Variants in CPLX1 observed in about 807,000 individuals in gnomAD.
CPLX1 encodes the protein complexin 1.
A neutral mutation model predicts 15.6 loss-of-function variants in CPLX1; 6 were observed. The ratio of observed to expected loss-of-function variants is 0.39; its 90% CI spans 0.21 to 0.76. The LOEUF (loss-of-function observed/expected upper bound fraction) is 0.76. Ranked by LOEUF, CPLX1 falls within the 30% of genes least tolerant of loss-of-function variation. The pLI, the probability that CPLX1 is intolerant of heterozygous loss-of-function variation, is 0.43. For missense variants in CPLX1, 242 were observed against 188.6 expected, an observed-to-expected ratio of 1.28 and a Z score of -1.66; for synonymous variants, 91 against 75.2, an observed-to-expected ratio of 1.21 and a Z score of -1.08.
In CPLX1 at chr4:792,424, G is replaced by A. The variant is rs561994728; in HGVS notation, c.207+9C>T. ...GCCTTCCCGCAGGCGGGGCCGGCCC[G>A]GCGCGCACCTTGTCTCGGATGCCCT... is the stretch of plus-strand genomic sequence containing the variant. On this transcript the variant is annotated intron_variant, in intron 3 of 3. Coordinates refer to ENST00000304062, the MANE Select transcript of CPLX1 (RefSeq NM_006651.4). 1.8e-4 allele frequency: 268 copies of A among 1,530,866 alleles called. 1 individual carries two copies. The African/African-American group carries it at 3.0e-3, about 17-fold the overall frequency. 94.8% of individuals were successfully genotyped at this position (1,530,866 alleles called of 1,614,324 possible).
At chr4:813,364 G>T (rs987910324) in intron 2 of CPLX1, among the ~76,000 whole-genome samples, 1 of 151,982 alleles carries the variant, frequency 6.6e-6, no homozygotes, top group Non-Finnish European at 1.5e-5. Context: ...GATTGGGGAC[G>T]ATGGAAAGCA....
Position 821,689 on chromosome 4 carries a change from G to T in CPLX1, c.31+2803C>A, listed in dbSNP as rs572614169. Reference sequence around the variant, plus strand: ...GATCCGGACCCACGTGTTGTGGGGGGAGGCCCGGCCCCAGTTCAAGGCCAC... The same window carrying T: ...GATCCGGACCCACGTGTTGTGGGGGTAGGCCCGGCCCCAGTTCAAGGCCAC... On this transcript the variant is annotated intron_variant, in intron 2 of 3. Coordinates refer to ENST00000304062, the MANE Select transcript of CPLX1 (RefSeq NM_006651.4). 5.9e-5 allele frequency among the ~76,000 whole-genome samples: 9 copies of T among 152,284 alleles called. 1 individual carries two copies. The South Asian group carries it at 1.4e-3, about 25-fold the overall frequency.
chr4:789,331 C>A (rs547603959), intron 3 of CPLX1, among the ~76,000 whole-genome samples: 17 of 151,632 alleles, frequency 1.1e-4, no homozygotes, highest in Admixed American at 1.1e-3. Flanking sequence ...CTGCTGGGGG[C>A]GCCCAGGAGG....
At chr4:824,975 C>G (rs1746949458) in intron 1 of CPLX1, 1 of 359,174 alleles carries the variant, frequency 2.8e-6, no homozygotes, top group South Asian at 2.1e-5. Flanking sequence ...GCGGTGGTCC[C>G]GAGCCCAGGG....
intron 1 of CPLX1, chr4:824,943 C>T (rs1415586195): frequency 1.9e-5 from 7 of 370,208 alleles, no homozygotes; most frequent in Non-Finnish European, 3.2e-5. Context: ...CTCTGCAGCT[C>T]AGTGTCTGGA....
chr4:801,389 A>C (rs1268815601), intron 2 of CPLX1, among the ~76,000 whole-genome samples: 1 of 152,194 alleles, frequency 6.6e-6, no homozygotes, highest in Non-Finnish European at 1.5e-5. Context: ...ACAGGAACAC[A>C]AACAACCTGA....
At chr4:796,604 G>GA (rs756729036) in intron 2 of CPLX1, among the ~76,000 whole-genome samples, 38 of 152,228 alleles carry the variant, frequency 2.5e-4, no homozygotes, top group Non-Finnish European at 4.4e-4. Flanking sequence ...TTTAAGAATG[G>GA]AAAAATGCTT....
chr4:791,956 T>C (rs1746188958), intron 3 of CPLX1, among the ~76,000 whole-genome samples: 1 of 152,154 alleles, frequency 6.6e-6, no homozygotes, highest in Non-Finnish European at 1.5e-5. Context: ...CCCTCGGACC[T>C]GGCCGCTGAG....
At chr4:816,454 G>A (rs1334872865) in intron 2 of CPLX1, among the ~76,000 whole-genome samples, 3 of 151,854 alleles carry the variant, frequency 2.0e-5, no homozygotes, top group Non-Finnish European at 4.4e-5. Flanking sequence ...TCCTGACCTC[G>A]TGATCCACCT....
At chr4:807,233 C>A (rs954926675) in intron 2 of CPLX1, among the ~76,000 whole-genome samples, 1 of 152,190 alleles carries the variant, frequency 6.6e-6, no homozygotes, top group Non-Finnish European at 1.5e-5. Flanking sequence ...AACAGAAAAC[C>A]AAACACCGCA....
chr4:787,686 G>A (rs1465300002), intron 3 of CPLX1: 1 of 985,042 alleles, frequency 1.0e-6, no homozygotes, highest in Non-Finnish European at 1.2e-6. Flanking sequence ...GGGAGTGTGG[G>A]ATTTTGTTCT....
At chr4:802,030 G>C (rs1282700242) in intron 2 of CPLX1, among the ~76,000 whole-genome samples, 3 of 152,114 alleles carry the variant, frequency 2.0e-5, no homozygotes, top group Non-Finnish European at 4.4e-5. Context: ...GCCACCAAAT[G>C]ACCCAGAAAT....
chr4:786,918 G>T (rs1193275739), intron 3 of CPLX1: 1 of 975,586 alleles, frequency 1.0e-6, no homozygotes, highest in Non-Finnish European at 1.2e-6. Context: ...GAGCTGACAT[G>T]GGGGGGAGCA....
At chr4:822,953 C>T (rs150410147) in intron 2 of CPLX1, among the ~76,000 whole-genome samples, 1,993 of 152,318 alleles carry the variant, frequency 0.013, 46 homozygotes, top group African/African-American at 0.043. Context: ...TGGCTGCCCC[C>T]GCTCAGCTCC....
At chr4:825,538 C>T (rs1186239417) in intron 1 of CPLX1, among the ~76,000 whole-genome samples, 2 of 151,924 alleles carry the variant, frequency 1.3e-5, no homozygotes, top group Non-Finnish European at 2.9e-5. Flanking sequence ...CCGGCCCCGC[C>T]GCACCCGCAC....
At position 788,517 on chromosome 4, in the gene CPLX1, C is replaced by T. The variant is rs554094023; in HGVS notation, c.208-1819G>A. On this transcript the variant is annotated intron_variant, in intron 3 of 3. Transcript: ENST00000304062. Reference sequence around the variant, plus strand: ...GACTCCAGGGGTCTCCTCAGTGAAACGAAGAGCACAGGGTAGGAACGTTCT... The same window carrying T: ...GACTCCAGGGGTCTCCTCAGTGAAATGAAGAGCACAGGGTAGGAACGTTCT... The T allele has an allele frequency of 1.2e-4, 116 of 985,474 alleles. 1 individual carries two copies. In the African/African-American group the frequency reaches 1.7e-3, roughly 15 times the overall value. The allele number at this position is 985,474 out of a possible 1,614,324, so 61.0% of individuals were successfully genotyped here.
chr4:787,427 A>C, intron 3 of CPLX1: 1 of 961,870 alleles, frequency 1.0e-6, no homozygotes, highest in Non-Finnish European at 1.2e-6. Context: ...TGGAGCTTCA[A>C]AGGTGATCTC....
intron 2 of CPLX1, among the ~76,000 whole-genome samples, chr4:794,149 T>C (rs1199282046): frequency 1.3e-5 from 2 of 152,234 alleles, no homozygotes; most frequent in Non-Finnish European, 2.9e-5. Flanking sequence ...GAGCTGTCAT[T>C]TGGAAGGCCC....
intron 1 of CPLX1, among the ~76,000 whole-genome samples, chr4:825,795 A>G (rs1746970238): frequency 6.9e-6 from 1 of 144,836 alleles, no homozygotes; most frequent in Non-Finnish European, 1.5e-5. Flanking sequence ...CGGGGGGAGA[A>G]ACGGGGGCCG....
Sources: allele counts gnomAD v4.1 joint callset (sites outside exome capture counted in the v4.1 genomes callset), GRCh38; gene constraint gnomAD v4.1.1; transcripts MANE v1.5; gene names NCBI Gene and HGNC (gene_info 2026-07-23, HGNC 2026-07-21).